TSPOAP1: variants seen among roughly 807,000 people sequenced by gnomAD.
The protein encoded by TSPOAP1 is peripheral-type benzodiazepine receptor-associated protein 1.
Under a neutral mutation model 197.0 loss-of-function variants are expected in TSPOAP1, and 87 were observed. The observed-to-expected ratio is 0.44, with a 90% CI of 0.37 to 0.53. The LOEUF (loss-of-function observed/expected upper bound fraction) is 0.53, where lower values mean the gene tolerates loss of function less well. Among genes scored for constraint, TSPOAP1 ranks in the 20% least tolerant of loss-of-function variants. The pLI, the probability that TSPOAP1 is intolerant of heterozygous loss-of-function variation, is 0.00. For missense variants in TSPOAP1, 2,174 were observed against 2,411.3 expected (o/e 0.90, Z 2.06); for synonymous variants, 913 against 998.9 (o/e 0.91, Z 1.62).
At chr17:58,308,030 C>A in intron 22 of TSPOAP1, 89 bp from the exon 23 acceptor site, 2 of 1,278,672 alleles carry the variant, frequency 1.6e-6, no homozygotes, top group Non-Finnish European at 2.2e-6. Context: ...TCAGCGTAAG[C>A]AGCACAGCAG....
Position 58,311,201 on chromosome 17 carries a change from C to G in TSPOAP1, c.3094G>C (p.Ala1032Pro). ...YADGQKIMEV[A>P]SPTAGSVLVE... ...AGTACACTGCCTGCCGTGGGTGAGG[C>G]CACCTCCATGATCTGCAGGGTGGAG... Residue 1032 changes from alanine (A) to proline (P), a missense_variant, in exon 19 of 32, where the codon GCC (alanine) becomes CCC (proline). Around this residue, in one of 5 missense-constraint regions of TSPOAP1, gnomAD observed 1,933 missense variants for 2,139.0 expected, o/e 0.90. Coordinates refer to ENST00000343736, the MANE Select transcript of TSPOAP1 (RefSeq NM_004758.4). The G allele has an allele frequency of 2.5e-6, 4 of 1,611,566 alleles. No individual in the cohort carries two copies. Among genetic ancestry groups the G allele is most frequent in the Non-Finnish European group, 3.4e-6 (4 of 1,179,662 alleles).
intron 15 of TSPOAP1, 101 bp from the exon 16 acceptor site, chr17:58,316,233 G>T: frequency 1.7e-6 from 2 of 1,182,092 alleles, no homozygotes; most frequent in Non-Finnish European, 1.3e-6. Flanking sequence ...ACGGAGACTT[G>T]GTTGTGGTTG....
Position 58,302,093 on chromosome 17 carries a change from T to G in TSPOAP1, c.*387A>C. On this transcript the variant is annotated 3_prime_UTR_variant, in exon 32 of 32. Coordinates refer to ENST00000343736, the MANE Select transcript of TSPOAP1 (RefSeq NM_004758.4). ...AGGTGCTTCTCTAGAGAGTTCATCC[T>G]TAAGGAGCCATTTAGCTCTGACCTT... is the stretch of plus-strand genomic sequence containing the variant. 2.1e-6 allele frequency: 1 copy of G among 480,736 alleles called. No individual in the cohort carries two copies. Among genetic ancestry groups the G allele is most frequent in the Non-Finnish European group, 3.3e-6 (1 of 298,870 alleles). The allele number at this position is 480,736 out of a possible 1,614,324, so 29.8% of individuals were successfully genotyped here.
Position 58,326,650 on chromosome 17 carries a change from C to A in TSPOAP1, c.441+33G>T, listed in dbSNP as rs975524027. 1 of 1,607,786 alleles carries A rather than the reference C, an allele frequency of 6.2e-7. No homozygotes were observed. The highest frequency in any genetic ancestry group is 1.7e-5 in the Admixed American group (1 of 59,948). On this transcript the variant is annotated intron_variant, in intron 2 of 31. Coordinates refer to ENST00000343736, the MANE Select transcript of TSPOAP1 (RefSeq NM_004758.4). The surrounding 1 kb of genome is among the most constrained non-coding windows in gnomAD (Gnocchi z 4.7). ...ACTGAGGCAGAGGGCCTGGCTCCAG[C>A]CAGAACGCAGCACCCCAGTCTCCAA... is the stretch of plus-strand genomic sequence containing the variant.
At position 58,310,499 on chromosome 17, in the gene TSPOAP1, C is replaced by G; in HGVS notation, c.3699+13G>C. Reference sequence around the variant, plus strand: ...ATTCTCTGAAGTGACACAGTGTGTCCCCAAACCCCTACCTCAGCCCTGGGC... The same window carrying G: ...ATTCTCTGAAGTGACACAGTGTGTCGCCAAACCCCTACCTCAGCCCTGGGC... On this transcript the variant is annotated intron_variant, in intron 20 of 31. Transcript: ENST00000343736. 3 of 1,611,960 alleles carry G rather than the reference C, an allele frequency of 1.9e-6. No individual in the cohort carries two copies. Among genetic ancestry groups the G allele is most frequent in the Non-Finnish European group, 2.5e-6 (3 of 1,179,210 alleles).
rs1241918667 is a variant in TSPOAP1, at chr17:58,312,217, A to G, written c.2604T>C (p.Ser868=). ...SVQALTSRGS[S]DPLRCCLAVG... is the part of the protein sequence containing the mutation. ...CCGCCAAGCAACAGCGCAGTGGGTC[A>G]GAGCTGCCCCGGCTAGTCAGGGCCT... Residue 868 remains serine (S), a synonymous_variant, in exon 17 of 32, where the codon TCT becomes TCC. Coordinates refer to ENST00000343736, the MANE Select transcript of TSPOAP1 (RefSeq NM_004758.4). The G allele has an allele frequency of 3.1e-6, 5 of 1,612,784 alleles. No homozygotes were observed. In the African/African-American group the frequency reaches 6.7e-5, roughly 22 times the overall value.
chr17:58,322,761 C>A lies in TSPOAP1; in HGVS notation c.1210G>T (p.Ala404Ser). 3.1e-6 allele frequency: 5 copies of A among 1,613,000 alleles called. No homozygotes were observed. The highest frequency in any genetic ancestry group is 1.1e-5 in the South Asian group (1 of 91,082). Residue 404 changes from alanine to serine, a missense_variant, in exon 9 of 32, where the codon GCG (alanine) becomes TCG (serine). By Grantham distance (99) the Ala-to-Ser change is moderately conservative. Coordinates refer to ENST00000343736, the MANE Select transcript of TSPOAP1 (RefSeq NM_004758.4). The surrounding 1 kb of genome is among the most constrained non-coding windows in gnomAD (Gnocchi z 5.0). ...CCCAGGAGCTGGCCCCTCAGCTCCG[C>A]ATTCTCCCACTCCACCTGGCGAGGG... is the stretch of plus-strand genomic sequence containing the variant. ...TEKEQVEWEN[A>S]ELRGQLLGVT...
intron 5 of TSPOAP1, 45 bp from the exon 6 acceptor site, chr17:58,323,590 C>A (rs1186028388): frequency 6.3e-7 from 1 of 1,592,380 alleles, no homozygotes; most frequent in Non-Finnish European, 8.6e-7. Context: ...AGAACAGGGC[C>A]CCAGGGCAGC....
intron 31 of TSPOAP1, 47 bp from the exon 32 acceptor site, chr17:58,302,494 T>G (rs544612245): frequency 5.1e-6 from 6 of 1,170,180 alleles, no homozygotes; most frequent in Non-Finnish European, 6.5e-6. Context: ...GATTCCCTCC[T>G]GACCCCCTGA....
intron 15 of TSPOAP1, 111 bp from the exon 16 acceptor site, chr17:58,316,243 G>A (rs1971230137): frequency 3.5e-6 from 4 of 1,129,584 alleles, no homozygotes; most frequent in South Asian, 1.3e-5. Flanking sequence ...GGTTGTGGTT[G>A]TCCACCACCA....
chr17:58,314,554 G>A (rs766459193), intron 16 of TSPOAP1, among the ~76,000 whole-genome samples: 6 of 152,350 alleles, frequency 3.9e-5, no homozygotes, highest in South Asian at 2.1e-4. Context: ...TGGAGCCACC[G>A]TAAGCTAAAA....
At position 58,310,819 on chromosome 17, in the gene TSPOAP1, CT is replaced by C. The variant is rs1971057248; in HGVS notation, c.3459+16del. ...TCTGCCAGCCTGCACCTGCTCCCCT[CT>C]CCCCAGACAGGGTACCTGGGAGCAA... On this transcript the variant is annotated intron_variant, in intron 19 of 31. Coordinates refer to ENST00000343736, the MANE Select transcript of TSPOAP1 (RefSeq NM_004758.4). 1.9e-6 allele frequency: 3 copies of C among 1,575,006 alleles called. No individual in the cohort carries two copies. Among genetic ancestry groups the C allele is most frequent in the Non-Finnish European group, 2.6e-6 (3 of 1,157,898 alleles).
chr17:58,325,559 T>C lies in TSPOAP1; in HGVS notation c.725A>G (p.Gln242Arg). 6.2e-7 allele frequency: 1 copy of C among 1,612,788 alleles called. No homozygotes were observed. The highest frequency in any genetic ancestry group is 2.2e-5 in the East Asian group (1 of 44,886). The part of the protein sequence containing the change: ...AALQRECREL[Q>R]ARLTLVGKEG... ...CTTGCCCACCAGAGTGAGCCTGGCC[T>C]GCAGCTCCCTGCACTCCCGCTGCAA... The change falls in exon 4 of 32, where the codon CAG (glutamine) becomes CGG (arginine). Residue 242 changes from glutamine to arginine, a missense_variant. Gln to Arg is a conservative substitution (Grantham distance 43). Transcript: ENST00000343736.
At position 58,308,019 on chromosome 17, in the gene TSPOAP1, A is replaced by G. The variant is rs2144034819; in HGVS notation, c.4732-78T>C. 3.6e-6 allele frequency: 5 copies of G among 1,386,402 alleles called. No individual in the cohort carries two copies. In the Middle Eastern group the frequency reaches 5.4e-4, roughly 150 times the overall value. The allele number at this position is 1,386,402 out of a possible 1,614,324, so 85.9% of individuals were successfully genotyped here. On this transcript the variant is annotated intron_variant, in intron 22 of 31. Coordinates refer to ENST00000343736, the MANE Select transcript of TSPOAP1 (RefSeq NM_004758.4). ...GCTCGTGCTCCCCCAGCTCTGCCCCATCAGCGTAAGCAGCACAGCAGCGCA... is the reference window on the plus strand; with the variant it reads ...GCTCGTGCTCCCCCAGCTCTGCCCCGTCAGCGTAAGCAGCACAGCAGCGCA...
At position 58,305,834 on chromosome 17, in the gene TSPOAP1, T is replaced by C; in HGVS notation, c.5256A>G (p.Pro1752=). The change falls in exon 27 of 32, where the codon CCA becomes CCG. Residue 1752 remains proline, a splice_region_variant and synonymous_variant. Coordinates refer to ENST00000343736, the MANE Select transcript of TSPOAP1 (RefSeq NM_004758.4). ...CCGGGCCCAGGGATATTCCTTCACC[T>C]GGACAGGGCTGGGCAGGGCCTTCCG... ...AESEGPAQPC[P]GPPKLVPSAD... The C allele has an allele frequency of 6.2e-7, 1 of 1,612,860 alleles. No individual in the cohort carries two copies. The highest frequency in any genetic ancestry group is 8.5e-7 in the Non-Finnish European group (1 of 1,179,676).
intron 31 of TSPOAP1, 174 bp from the exon 32 acceptor site, chr17:58,302,621 G>A (rs867771192): frequency 1.7e-5 from 5 of 302,194 alleles, no homozygotes; most frequent in African/African-American, 1.2e-4. Context: ...CACAGGTGGT[G>A]AATGGGGAGG....
chr17:58,314,723 G>A (rs1337258527), intron 16 of TSPOAP1, among the ~76,000 whole-genome samples: 4 of 152,216 alleles, frequency 2.6e-5, no homozygotes, highest in Non-Finnish European at 5.9e-5. Context: ...CCTAGGAAAC[G>A]ATCATAAGCA....
In TSPOAP1 at chr17:58,305,041, G is replaced by C; in HGVS notation, c.5544+20C>G. On this transcript the variant is annotated intron_variant, in intron 30 of 31. Coordinates refer to ENST00000343736, the MANE Select transcript of TSPOAP1 (RefSeq NM_004758.4). ...AGGGTAGACTGCCCTGCCAAGCTGG[G>C]AGCCCAGCTCCTCACTGACCTGACT... 1 of 1,598,416 alleles carries C rather than the reference G, an allele frequency of 6.3e-7. No individual in the cohort carries two copies. The highest frequency in any genetic ancestry group is 8.6e-7 in the Non-Finnish European group (1 of 1,165,800).
intron 27 of TSPOAP1, 31 bp downstream of exon 27, chr17:58,305,802 C>T (rs376779101): frequency 6.8e-6 from 11 of 1,611,646 alleles, no homozygotes; most frequent in Non-Finnish European, 9.3e-6. Flanking sequence ...TCTCCTTCCC[C>T]AGCCTCCCGG....
Sources: gnomAD v4.1 joint callset for allele counts (sites outside exome capture counted in the v4.1 genomes callset) on GRCh38, gnomAD v4.1.1 for gene constraint, gnomAD v4.1.1 regional missense constraint, Gnocchi (gnomAD v3.1) non-coding constraint, MANE v1.5 for transcripts, NCBI Gene and HGNC (gene_info 2026-07-23, HGNC 2026-07-21) for gene names.